The following PTPRN2 variants were observed in gnomAD, a reference collection of about 807,000 sequenced individuals.
PTPRN2 encodes receptor-type tyrosine-protein phosphatase N2.
A neutral mutation model predicts 118.8 loss-of-function variants in PTPRN2; 74 were observed. The observed-to-expected ratio is 0.62, with a 90% CI of 0.52 to 0.76. PTPRN2 has a LOEUF of 0.76. Ranked by LOEUF, PTPRN2 falls within the 30% of genes least tolerant of loss-of-function variation. The probability of loss-of-function intolerance (pLI) is 0.00; values close to 1 mark genes in which losing one functional copy is unlikely to be tolerated. For missense variants in PTPRN2, 1,481 were observed against 1,394.4 expected, an observed-to-expected ratio of 1.06 and a Z score of -0.99; for synonymous variants, 641 against 608.0, an observed-to-expected ratio of 1.05 and a Z score of -0.80.
At chr7:157,562,601 G>A (rs1052011440) in intron 21 of PTPRN2, among the ~76,000 whole-genome samples, 16 of 152,366 alleles carry the variant, frequency 1.1e-4, no homozygotes, top group South Asian at 1.0e-3. Flanking sequence ...TTCAAAGTCC[G>A]GGGAGCCACA....
intron 12 of PTPRN2, among the ~76,000 whole-genome samples, chr7:157,688,671 T>C (rs1797313490): frequency 6.6e-6 from 1 of 152,138 alleles, no homozygotes; most frequent in South Asian, 2.1e-4. Flanking sequence ...TCTTCAGGAC[T>C]GGGGGGGTTA....
intron 11 of PTPRN2, among the ~76,000 whole-genome samples, chr7:157,933,766 G>C (rs1220994251): frequency 1.6e-5 from 2 of 124,132 alleles, no homozygotes; most frequent in African/African-American, 5.3e-5. Flanking sequence ...GAGTCACTCT[G>C]ATTGACAGTT....
At chr7:158,191,422 C>T (rs966909610) in intron 5 of PTPRN2, among the ~76,000 whole-genome samples, 3 of 152,064 alleles carry the variant, frequency 2.0e-5, no homozygotes, top group African/African-American at 4.8e-5. Context: ...CGCCATCAAA[C>T]CCCCAATGTC....
chr7:158,110,178 C>A (rs1816108307), intron 10 of PTPRN2, among the ~76,000 whole-genome samples: 1 of 152,264 alleles, frequency 6.6e-6, no homozygotes, highest in Non-Finnish European at 1.5e-5. Flanking sequence ...GACCTCTCCA[C>A]ACCCAGCTGT....
At chr7:158,190,261 G>A (rs1046123624) in intron 5 of PTPRN2, among the ~76,000 whole-genome samples, 3 of 152,188 alleles carry the variant, frequency 2.0e-5, no homozygotes, top group Non-Finnish European at 4.4e-5. Context: ...GCAGTGGGTG[G>A]AGGAGCCTCT....
At chr7:157,900,552 C>T (rs1279967536) in intron 11 of PTPRN2, among the ~76,000 whole-genome samples, 3 of 152,188 alleles carry the variant, frequency 2.0e-5, no homozygotes, top group Admixed American at 6.5e-5. Flanking sequence ...GAGAACTTGC[C>T]TTGCTGGCCC....
At chr7:158,080,832 A>G (rs1812765084) in intron 11 of PTPRN2, among the ~76,000 whole-genome samples, 1 of 152,098 alleles carries the variant, frequency 6.6e-6, no homozygotes, top group Non-Finnish European at 1.5e-5. Context: ...CCTCCCAGAT[A>G]CTTTGTGGTG....
At chr7:158,233,205 C>G (rs1363840217) in intron 3 of PTPRN2, among the ~76,000 whole-genome samples, 1 of 152,114 alleles carries the variant, frequency 6.6e-6, no homozygotes, top group Admixed American at 6.5e-5. Context: ...ACTGTCAGAA[C>G]TGACAAATTC....
At chr7:158,535,766 T>TA (rs940213995) in intron 1 of PTPRN2, among the ~76,000 whole-genome samples, 9 of 150,424 alleles carry the variant, frequency 6.0e-5, no homozygotes, top group East Asian at 3.9e-4. Context: ...ATAAAGTGTT[T>TA]AAAAAAAAAG....
At chr7:158,019,178 C>T (rs915563935) in intron 11 of PTPRN2, among the ~76,000 whole-genome samples, 1 of 152,238 alleles carries the variant, frequency 6.6e-6, no homozygotes, top group Non-Finnish European at 1.5e-5. Flanking sequence ...ACCACGGGCT[C>T]CCAGCACTGG....
At chr7:158,578,919 C>A (rs1040114808) in intron 1 of PTPRN2, among the ~76,000 whole-genome samples, 1 of 152,162 alleles carries the variant, frequency 6.6e-6, no homozygotes, top group East Asian at 1.9e-4. Flanking sequence ...CCTGCCACTA[C>A]AACCAGCTAA....
intron 22 of PTPRN2, among the ~76,000 whole-genome samples, chr7:157,548,260 C>A (rs1185064684): frequency 6.6e-6 from 1 of 152,034 alleles, no homozygotes; most frequent in Non-Finnish European, 1.5e-5. Flanking sequence ...ACAACAAAAA[C>A]CGAATAAAAT....
At chr7:158,145,197 C>T (rs369797971) in intron 6 of PTPRN2, among the ~76,000 whole-genome samples, 8 of 150,710 alleles carry the variant, frequency 5.3e-5, no homozygotes, top group Non-Finnish European at 1.0e-4. Context: ...AATACCACAG[C>T]TCGGCAAGGT....
intron 12 of PTPRN2, among the ~76,000 whole-genome samples, chr7:157,820,826 A>C (rs1340276511): frequency 1.3e-5 from 2 of 152,256 alleles, no homozygotes; most frequent in East Asian, 3.8e-4. Context: ...AGGAAAGGTG[A>C]AATCAGAAAG....
chr7:158,169,768 T>C (rs1301292856), intron 5 of PTPRN2, among the ~76,000 whole-genome samples: 2 of 152,086 alleles, frequency 1.3e-5, no homozygotes, highest in East Asian at 1.9e-4. Context: ...CTCGGCTCAC[T>C]GCAACCTCCA....
At chr7:158,267,355 G>A (rs11765982) in intron 3 of PTPRN2, among the ~76,000 whole-genome samples, 37,315 of 151,980 alleles carry the variant, frequency 0.25, 4,763 homozygotes, top group Middle Eastern at 0.31. Flanking sequence ...CTTGTTAGAA[G>A]GGACACTGGG....
intron 11 of PTPRN2, among the ~76,000 whole-genome samples, chr7:157,962,828 C>G (rs1238786074): frequency 4.6e-5 from 7 of 152,190 alleles, no homozygotes; most frequent in Non-Finnish European, 1.5e-5. Context: ...ATGGCATGGA[C>G]TAGAGGGTCA....
At chr7:158,288,250 T>G (rs1329954149) in intron 3 of PTPRN2, among the ~76,000 whole-genome samples, 3 of 152,180 alleles carry the variant, frequency 2.0e-5, no homozygotes, top group Non-Finnish European at 4.4e-5. Context: ...TCAGCCACTC[T>G]GTCTTTTGAT....
intron 2 of PTPRN2, among the ~76,000 whole-genome samples, chr7:158,317,445 C>A (rs566763872): frequency 6.6e-6 from 1 of 152,326 alleles, no homozygotes; most frequent in East Asian, 1.9e-4. Context: ...GCAGGAGAGG[C>A]GCGGGGCTGG....
Sources: allele counts gnomAD v4.1 joint callset (sites outside exome capture counted in the v4.1 genomes callset), GRCh38; gene constraint gnomAD v4.1.1; transcripts MANE v1.5; gene names NCBI Gene and HGNC (gene_info 2026-07-23, HGNC 2026-07-21).